The following GALNT13 variants were observed in gnomAD, a reference collection of about 807,000 sequenced individuals.
GALNT13 encodes UDP-GalNAc:polypeptide N-acetylgalactosaminyltransferase 13.
In GALNT13, 28 loss-of-function variants were observed where a neutral mutation model predicts 64.2. The ratio of observed to expected loss-of-function variants is 0.44; its 90% CI spans 0.32 to 0.60. The LOEUF (loss-of-function observed/expected upper bound fraction) is 0.60, where lower values mean the gene tolerates loss of function less well. Ranked by LOEUF, GALNT13 falls within the 20% of genes least tolerant of loss-of-function variation. The probability of loss-of-function intolerance (pLI) is 0.05; values close to 1 mark genes in which losing one functional copy is unlikely to be tolerated. For missense variants in GALNT13, 577 were observed against 669.8 expected (o/e 0.86, Z 1.53); for synonymous variants, 214 against 224.6 (o/e 0.95, Z 0.42).
intron 1 of GALNT13, among the ~76,000 whole-genome samples, chr2:153,873,982 C>T (rs16834610): frequency 0.062 from 9,461 of 152,054 alleles, 365 homozygotes; most frequent in South Asian, 0.1. Flanking sequence ...ACTTTTGGAC[C>T]TCTCACCTTC....
At chr2:153,241,457 C>T in the GALNT13 span, among the ~76,000 whole-genome samples, 5 of 152,112 alleles carry the variant, frequency 3.3e-5, no homozygotes, top group Admixed American at 6.5e-5. Flanking sequence ...AAATTGAGAA[C>T]CTTTTGCCTA....
At chr2:153,526,571 A>G in the GALNT13 span, among the ~76,000 whole-genome samples, 1 of 152,214 alleles carries the variant, frequency 6.6e-6, no homozygotes, top group Non-Finnish European at 1.5e-5. Flanking sequence ...AGCCTTCTCA[A>G]GAAGGATGGA....
chr2:153,104,542 A>G, the GALNT13 span, among the ~76,000 whole-genome samples: 1 of 152,252 alleles, frequency 6.6e-6, no homozygotes, highest in African/African-American at 2.4e-5. Flanking sequence ...CATTTGTTGT[A>G]CATGTTTGGA....
chr2:153,126,276 A>G, the GALNT13 span, among the ~76,000 whole-genome samples: 1 of 144,420 alleles, frequency 6.9e-6, no homozygotes, highest in African/African-American at 2.6e-5. Context: ...ATGCTAGGCT[A>G]AGCTCACAGT....
the GALNT13 span, among the ~76,000 whole-genome samples, chr2:153,539,532 C>T: frequency 7.2e-5 from 11 of 151,964 alleles, no homozygotes; most frequent in South Asian, 6.2e-4. Context: ...TTAGGTCTAA[C>T]GTTTAAGTCT....
At chr2:154,291,264 TAGACACAA>T (rs1692612801) in intron 8 of GALNT13, among the ~76,000 whole-genome samples, 1 of 152,110 alleles carries the variant, frequency 6.6e-6, no homozygotes, top group African/African-American at 2.4e-5. Flanking sequence ...ATACTTTAGC[TAGACACAA>T]AATTTCTCCA....
chr2:154,104,077 A>G (rs942512332), intron 3 of GALNT13, among the ~76,000 whole-genome samples: 1 of 152,082 alleles, frequency 6.6e-6, no homozygotes, highest in Non-Finnish European at 1.5e-5. Flanking sequence ...AGACTACACC[A>G]GCTTGGGTGC....
At chr2:153,350,385 T>TTTTC in the GALNT13 span, among the ~76,000 whole-genome samples, 1 of 38,428 alleles carries the variant, frequency 2.6e-5, no homozygotes, top group African/African-American at 1.5e-4. Flanking sequence ...TCTTTCTTTC[T>TTTTC]TTTTTTTTTT....
Position 154,338,712 on chromosome 2 carries a change from G to A in GALNT13, c.1156+37123G>A, listed in dbSNP as rs533620647. The stretch of plus-strand genomic sequence containing the variant: ...AATAATTTCCGTAGGCATAAGGATA[G>A]TTCCTAGTTGTCTGGTACCAGGGCC... On this transcript the variant is annotated intron_variant, in intron 9 of 12. Transcript: ENST00000392825. Among the ~76,000 whole-genome samples, 4 of 152,194 alleles carry A rather than the reference G, an allele frequency of 2.6e-5. No individual in the cohort carries two copies. In the South Asian group the frequency reaches 6.2e-4, roughly 24 times the overall value.
the GALNT13 span, among the ~76,000 whole-genome samples, chr2:153,335,375 TG>T: frequency 6.6e-6 from 1 of 152,180 alleles, no homozygotes; most frequent in Admixed American, 6.5e-5. Flanking sequence ...TCTACAGACT[TG>T]TTGAATGGCT....
intron 3 of GALNT13, among the ~76,000 whole-genome samples, chr2:153,990,049 G>A (rs1299170242): frequency 6.6e-6 from 1 of 152,068 alleles, no homozygotes; most frequent in Non-Finnish European, 1.5e-5. Context: ...AGTAACATAA[G>A]TAGCATTTAT....
At chr2:153,940,028 A>G (rs1434695269) in intron 2 of GALNT13, among the ~76,000 whole-genome samples, 1 of 152,002 alleles carries the variant, frequency 6.6e-6, no homozygotes, top group Non-Finnish European at 1.5e-5. Flanking sequence ...CGTATCATCA[A>G]TATTCTCCCT....
intron 9 of GALNT13, among the ~76,000 whole-genome samples, chr2:154,350,061 A>G (rs1408458029): frequency 6.6e-6 from 1 of 152,242 alleles, no homozygotes; most frequent in African/African-American, 2.4e-5. Flanking sequence ...AATTTTTATC[A>G]AAAATAGAAC....
At chr2:153,462,863 AAACCATAACTTCT>A in the GALNT13 span, among the ~76,000 whole-genome samples, 1,201 of 152,280 alleles carry the variant, frequency 7.9e-3, 14 homozygotes, top group African/African-American at 0.026. Flanking sequence ...CTGTTGCATG[AAACCATAACTTCT>A]AATCACTGGC....
the GALNT13 span, among the ~76,000 whole-genome samples, chr2:153,718,735 T>C: frequency 6.6e-6 from 1 of 152,196 alleles, no homozygotes; most frequent in Non-Finnish European, 1.5e-5. Flanking sequence ...CTGTGAACTC[T>C]AGCTTTCTCA....
At chr2:153,251,726 T>A in the GALNT13 span, among the ~76,000 whole-genome samples, 5 of 150,634 alleles carry the variant, frequency 3.3e-5, no homozygotes, top group Non-Finnish European at 7.4e-5. Flanking sequence ...CGGTGTTTGG[T>A]TTTTTGTTCT....
chr2:153,898,255 G>GT (rs764331096), intron 1 of GALNT13, among the ~76,000 whole-genome samples: 5 of 151,936 alleles, frequency 3.3e-5, no homozygotes, highest in Admixed American at 6.6e-5. Flanking sequence ...GTTTTAATTT[G>GT]TTTTTTTAGG....
At chr2:153,602,152 TAAG>T in the GALNT13 span, among the ~76,000 whole-genome samples, 1 of 151,878 alleles carries the variant, frequency 6.6e-6, no homozygotes. Flanking sequence ...AAATAGCAGA[TAAG>T]AAGAGTTCAC....
the GALNT13 span, among the ~76,000 whole-genome samples, chr2:153,258,195 A>G: frequency 1.3e-5 from 2 of 152,240 alleles, no homozygotes; most frequent in Admixed American, 1.3e-4. Flanking sequence ...TATGCAAATA[A>G]TCAGACAAAA....
Sources: gnomAD v4.1 joint callset for allele counts (sites outside exome capture counted in the v4.1 genomes callset) on GRCh38, gnomAD v4.1.1 for gene constraint, MANE v1.5 for transcripts, NCBI Gene and HGNC (gene_info 2026-07-23, HGNC 2026-07-21) for gene names.